Variants in TANC2 observed in about 807,000 individuals in gnomAD.
The protein encoded by TANC2 is protein TANC2.
TANC2 carries 26 observed loss-of-function variants against 210.5 expected under a neutral mutation model. That is an observed-to-expected ratio of 0.12 (90% CI 0.09 to 0.17). TANC2 has a LOEUF of 0.17. TANC2 is among the 10% of genes least tolerant of loss of function. The pLI is 1.00. For missense variants in TANC2, 2,129 were observed against 2,608.9 expected, an observed-to-expected ratio of 0.82 and a Z score of 4.01; for synonymous variants, 931 against 967.1, an observed-to-expected ratio of 0.96 and a Z score of 0.69.
chr17:63,346,892 A>T (rs1343842693), intron 12 of TANC2, among the ~76,000 whole-genome samples: 2 of 149,098 alleles, frequency 1.3e-5, no homozygotes, highest in Non-Finnish European at 3.0e-5. Context: ...TTTTTCAGAG[A>T]TGGGGGTCTT....
rs1207593002 is a variant in TANC2, at chr17:63,421,514, A to G, written c.5784A>G (p.Pro1928=). Reference sequence around the variant, plus strand: ...AGCCCACCCGATCCAGGACCACACCATTCATGGGGATCATAGATAAAACAG... The same window carrying G: ...AGCCCACCCGATCCAGGACCACACCGTTCATGGGGATCATAGATAAAACAG... The change falls in exon 28 of 28, where the codon CCA becomes CCG. Residue 1928 remains proline, a synonymous_variant. Coordinates refer to ENST00000689528, the Ensembl canonical transcript of TANC2. This position sits in a 1 kb window ranked among gnomAD's most constrained non-coding sequence, Gnocchi z 6.9. 6.2e-7 allele frequency: 1 copy of G among 1,613,976 alleles called. No homozygotes were observed. Among genetic ancestry groups the G allele is most frequent in the South Asian group, 1.1e-5 (1 of 91,082 alleles).
At chr17:63,075,113 C>T (rs2036525408) in intron 3 of TANC2, among the ~76,000 whole-genome samples, 1 of 152,068 alleles carries the variant, frequency 6.6e-6, no homozygotes, top group Non-Finnish European at 1.5e-5. Flanking sequence ...TGTATTATGA[C>T]TATGTCTGGA....
At chr17:63,377,810 AAG>A (rs1229781236) in intron 14 of TANC2, among the ~76,000 whole-genome samples, 1 of 152,214 alleles carries the variant, frequency 6.6e-6, no homozygotes, top group Non-Finnish European at 1.5e-5. Flanking sequence ...TTATAAAGAA[AAG>A]AGATTTCGTT....
intron 5 of TANC2, 150 bp from the exon 6 acceptor site, chr17:63,193,841 T>C (rs1051211622): frequency 2.7e-6 from 2 of 727,894 alleles, no homozygotes; most frequent in East Asian, 3.2e-5. Context: ...ATATTGGGAG[T>C]GAGTAGTCCA....
chr17:63,048,632 T>C (rs1358160424), intron 2 of TANC2, among the ~76,000 whole-genome samples: 3 of 152,212 alleles, frequency 2.0e-5, no homozygotes, highest in Non-Finnish European at 4.4e-5. Flanking sequence ...GCCTTATTTC[T>C]GGGCTCTATA....
chr17:63,138,476 T>G (rs183029172), intron 4 of TANC2, among the ~76,000 whole-genome samples: 23 of 152,258 alleles, frequency 1.5e-4, no homozygotes, highest in East Asian at 3.9e-4. Flanking sequence ...AACATTGCTT[T>G]CTTTCTTTTG....
chr17:63,323,828 T>C (rs1418815778), intron 11 of TANC2, among the ~76,000 whole-genome samples: 1 of 152,174 alleles, frequency 6.6e-6, no homozygotes, highest in Non-Finnish European at 1.5e-5. Flanking sequence ...TCCCCTGTAA[T>C]GTGAATACTA....
intron 12 of TANC2, among the ~76,000 whole-genome samples, chr17:63,345,638 A>C (rs899895036): frequency 8.6e-5 from 13 of 151,506 alleles, no homozygotes; most frequent in South Asian, 2.1e-4. Flanking sequence ...AAAAAAAAAA[A>C]ACACATAATC....
intron 5 of TANC2, among the ~76,000 whole-genome samples, chr17:63,175,830 A>AT (rs1279149926): frequency 2.0e-5 from 3 of 152,094 alleles, no homozygotes; most frequent in Non-Finnish European, 4.4e-5. Context: ...AGACAACTGA[A>AT]TTTTTTTTGG....
intron 7 of TANC2, among the ~76,000 whole-genome samples, chr17:63,212,475 C>A (rs1385009254): frequency 6.6e-6 from 1 of 152,080 alleles, no homozygotes; most frequent in Non-Finnish European, 1.5e-5. Flanking sequence ...GGTGGAAAGA[C>A]AAGTGAGCCA....
intron 14 of TANC2, among the ~76,000 whole-genome samples, chr17:63,358,352 TGAGAGAGAGA>T (rs5821386): frequency 7.2e-6 from 1 of 137,982 alleles, no homozygotes; most frequent in Non-Finnish European, 1.6e-5. Flanking sequence ...GTGAGTAGAG[TGAGAGAGAGA>T]GAGAGAGAGA....
intron 1 of TANC2, among the ~76,000 whole-genome samples, chr17:62,990,952 G>A (rs2032829161): frequency 6.6e-6 from 1 of 152,150 alleles, no homozygotes. Context: ...GACTAAAAAA[G>A]CAGTAGATTG....
chr17:63,425,129 G>C (rs541676149), exon 28 of TANC2: 3 of 152,218 alleles, frequency 2.0e-5, no homozygotes, highest in Admixed American at 1.3e-4. Context: ...TGTCCGGGTT[G>C]CAGACGTGCA....
intron 7 of TANC2, among the ~76,000 whole-genome samples, chr17:63,222,909 A>G (rs1021158164): frequency 6.6e-6 from 1 of 152,204 alleles, no homozygotes; most frequent in Non-Finnish European, 1.5e-5. Flanking sequence ...ATGAATGGAT[A>G]AACACATGTG....
Position 63,089,444 on chromosome 17 carries a change from G to A in TANC2, c.140-9731G>A, listed in dbSNP as rs536316727. ...AGTGCTGTGTGAATTGAGGGGGAAA[G>A]TGGGAAGGGATGAAGTCAGAGAAGT... On this transcript the variant is annotated intron_variant, in intron 3 of 27. Transcript: ENST00000689528. Among the ~76,000 whole-genome samples, 12 of 152,306 alleles carry A rather than the reference G, an allele frequency of 7.9e-5. No individual in the cohort carries two copies. The South Asian group carries it at 2.5e-3, about 32-fold the overall frequency.
intron 9 of TANC2, among the ~76,000 whole-genome samples, chr17:63,290,808 T>C (rs1304555471): frequency 2.0e-5 from 3 of 152,194 alleles, no homozygotes; most frequent in Non-Finnish European, 2.9e-5. Flanking sequence ...TAAACCAGTG[T>C]CTCATTAGAA....
At chr17:63,256,574 T>C (rs1470295526) in intron 8 of TANC2, among the ~76,000 whole-genome samples, 1 of 152,248 alleles carries the variant, frequency 6.6e-6, no homozygotes, top group Non-Finnish European at 1.5e-5. Flanking sequence ...TCTGCAGCCA[T>C]TGGATGAAAT....
chr17:63,078,622 C>G (rs1244985902), intron 3 of TANC2, among the ~76,000 whole-genome samples: 1 of 152,044 alleles, frequency 6.6e-6, no homozygotes, highest in Non-Finnish European at 1.5e-5. Context: ...TTCAAAAATA[C>G]CCTTTTGATT....
At chr17:62,987,702 T>G (rs1264116750) in intron 1 of TANC2, among the ~76,000 whole-genome samples, 3 of 152,086 alleles carry the variant, frequency 2.0e-5, no homozygotes, top group Non-Finnish European at 4.4e-5. Context: ...TCACAACGGG[T>G]GCATCTTCAC....
Sources: allele counts gnomAD v4.1 joint callset (sites outside exome capture counted in the v4.1 genomes callset), GRCh38; gene constraint gnomAD v4.1.1; non-coding constraint Gnocchi (gnomAD v3.1); transcripts MANE v1.5; gene names NCBI Gene and HGNC (gene_info 2026-07-23, HGNC 2026-07-21).